Variants in ESR1 observed in about 807,000 individuals in gnomAD.
The protein encoded by ESR1 is estrogen receptor 1.
A neutral mutation model predicts 52.7 loss-of-function variants in ESR1; 12 were observed. That is an observed-to-expected ratio of 0.23 (90% confidence interval 0.15 to 0.37). The LOEUF (loss-of-function observed/expected upper bound fraction) is 0.37. Ranked by LOEUF, ESR1 falls within the 10% of genes least tolerant of loss-of-function variation. The probability of loss-of-function intolerance (pLI) is 1.00; values close to 1 mark genes in which losing one functional copy is unlikely to be tolerated. For synonymous variants in ESR1, 305 were observed against 316.8 expected, an observed-to-expected ratio of 0.96 and a Z score of 0.39; for missense variants, 584 against 779.7, an observed-to-expected ratio of 0.75 and a Z score of 2.99.
At chr6:151,998,691 T>C (rs1219166357) in intron 4 of ESR1, among the ~76,000 whole-genome samples, 5 of 152,138 alleles carry the variant, frequency 3.3e-5, no homozygotes, top group African/African-American at 1.2e-4. Context: ...CTATATCAAT[T>C]GTTTTCTTGA....
At chr6:151,879,296 C>G (rs1342423090) in intron 2 of ESR1, among the ~76,000 whole-genome samples, 1 of 152,138 alleles carries the variant, frequency 6.6e-6, no homozygotes, top group African/African-American at 2.4e-5. Flanking sequence ...TGAAAAATAC[C>G]TGTAAAATTT....
chr6:151,755,936 T>A (rs1784252832), intron 2 of ESR1, among the ~76,000 whole-genome samples: 1 of 152,038 alleles, frequency 6.6e-6, no homozygotes, highest in African/African-American at 2.4e-5. Flanking sequence ...CAGCCATGAC[T>A]CTTTTCAAAA....
At chr6:152,010,278 G>T (rs1175137336) in intron 4 of ESR1, among the ~76,000 whole-genome samples, 1 of 152,046 alleles carries the variant, frequency 6.6e-6, no homozygotes, top group East Asian at 1.9e-4. Flanking sequence ...GAAACATCCT[G>T]TAAGCAGACC....
At position 151,740,773 on chromosome 6, in the gene ESR1, T is replaced by A. The variant is rs375797806; in HGVS notation, c.-71+38768T>A. Among the ~76,000 whole-genome samples the A allele has an allele frequency of 2.2e-4, 34 of 152,294 alleles. No individual in the cohort carries two copies. In the South Asian group the frequency reaches 7.0e-3, roughly 32 times the overall value. On this transcript the variant is annotated intron_variant, in intron 2 of 2. Coordinates refer to the ESR1 transcript ENST00000404742. ...ATGCCCAATATTCTATTTGATTCTG[T>A]TGATTCTGAAAATTTCTTTTTAGTC...
chr6:151,778,234 C>T (rs1244466004), intron 2 of ESR1, among the ~76,000 whole-genome samples: 2 of 151,866 alleles, frequency 1.3e-5, no homozygotes, highest in African/African-American at 4.8e-5. Context: ...ATGGAGGTGA[C>T]CAAAGGTGGA....
At chr6:151,886,370 G>T (rs1228911769) in intron 3 of ESR1, among the ~76,000 whole-genome samples, 1 of 152,074 alleles carries the variant, frequency 6.6e-6, no homozygotes, top group Admixed American at 6.6e-5. Context: ...GACTATTCTG[G>T]TTATGTTTCC....
At chr6:151,935,930 G>C (rs1249504126) in intron 3 of ESR1, among the ~76,000 whole-genome samples, 1 of 152,182 alleles carries the variant, frequency 6.6e-6, no homozygotes, top group African/African-American at 2.4e-5. Context: ...TCAAATCCTA[G>C]AGATCAGTCA....
chr6:151,685,932 C>G (rs1778646820), upstream of ESR1, among the ~76,000 whole-genome samples: 1 of 152,084 alleles, frequency 6.6e-6, no homozygotes, highest in Non-Finnish European at 1.5e-5. Context: ...GGAGATGGGT[C>G]TTACTCTGTC....
intron 6 of ESR1, among the ~76,000 whole-genome samples, chr6:152,074,030 G>GC (rs984246201): frequency 2.0e-5 from 3 of 151,938 alleles, no homozygotes; most frequent in Non-Finnish European, 4.4e-5. Flanking sequence ...TATATTCCCT[G>GC]CCCCCGCACA....
intron 4 of ESR1, among the ~76,000 whole-genome samples, chr6:152,000,499 G>C (rs2041862179): frequency 6.6e-6 from 1 of 151,894 alleles, no homozygotes; most frequent in Admixed American, 6.6e-5. Flanking sequence ...GCTTTTCCTG[G>C]AAAGGAGTGA....
At chr6:151,668,248 G>T (rs1274333214) in intron 1 of ESR1, among the ~76,000 whole-genome samples, 1 of 151,956 alleles carries the variant, frequency 6.6e-6, no homozygotes, top group Non-Finnish European at 1.5e-5. Context: ...TCATATGGCA[G>T]AAGGTAGAAG....
chr6:151,687,187 G>A (rs1778723540), upstream of ESR1, among the ~76,000 whole-genome samples: 2 of 152,190 alleles, frequency 1.3e-5, no homozygotes, highest in African/African-American at 4.8e-5. Flanking sequence ...CTTTGGTTGG[G>A]TGTCTCACCA....
intron 3 of ESR1, among the ~76,000 whole-genome samples, chr6:151,921,923 CAGA>C (rs1410379790): frequency 2.0e-5 from 3 of 152,138 alleles, no homozygotes; most frequent in African/African-American, 7.2e-5. Flanking sequence ...TTTTGCTGTA[CAGA>C]AGATCTTTAG....
intron 4 of ESR1, among the ~76,000 whole-genome samples, chr6:151,953,278 C>T (rs554726302): frequency 1.3e-5 from 2 of 152,268 alleles, no homozygotes; most frequent in Non-Finnish European, 2.9e-5. Context: ...ATAGCCAAGC[C>T]AAAGTTCGAA....
intron 2 of ESR1, among the ~76,000 whole-genome samples, chr6:151,770,564 TA>T (rs1264825051): frequency 1.3e-5 from 2 of 152,114 alleles, no homozygotes; most frequent in African/African-American, 4.8e-5. Context: ...CTGGTTAAAC[TA>T]TGAAGAAGAA....
chr6:152,051,584 C>A (rs991180016), intron 5 of ESR1, among the ~76,000 whole-genome samples: 2 of 151,846 alleles, frequency 1.3e-5, no homozygotes, highest in Admixed American at 6.6e-5. Context: ...GCTGTCTTCC[C>A]CCATCTCTCC....
At chr6:151,954,616 A>G (rs1249379648) in intron 4 of ESR1, among the ~76,000 whole-genome samples, 3 of 152,242 alleles carry the variant, frequency 2.0e-5, no homozygotes, top group East Asian at 3.9e-4. Context: ...ATGGCACATC[A>G]TAACATTTGA....
intron 6 of ESR1, among the ~76,000 whole-genome samples, chr6:152,111,727 G>C (rs746529057): frequency 1.5e-4 from 23 of 152,176 alleles, no homozygotes; most frequent in Non-Finnish European, 2.9e-4. Context: ...GGTGCAGGCA[G>C]CTGCAGGAAC....
chr6:151,768,743 T>A (rs1279657389), intron 2 of ESR1, among the ~76,000 whole-genome samples: 2 of 152,202 alleles, frequency 1.3e-5, no homozygotes, highest in South Asian at 4.1e-4. Flanking sequence ...ATTTGGGGAA[T>A]GTAGGTAAAA....
Sources: allele counts gnomAD v4.1 joint callset (sites outside exome capture counted in the v4.1 genomes callset), GRCh38; gene constraint gnomAD v4.1.1; transcripts MANE v1.5; gene names NCBI Gene and HGNC (gene_info 2026-07-23, HGNC 2026-07-21).